Variants in OR4K15 observed in about 807,000 individuals in gnomAD.
OR4K15 encodes olfactory receptor family 4 subfamily K member 15.
For missense variants in OR4K15, 392 were observed against 390.2 expected, an observed-to-expected ratio of 1.00 and a Z score of -0.04; for synonymous variants, 144 against 145.6, an observed-to-expected ratio of 0.99 and a Z score of 0.08.
chr14:19,976,503 T>C lies in OR4K15; in HGVS notation c.913T>C (p.Tyr305His). Residue 305 changes from tyrosine (Y) to histidine (H), a missense_variant, in exon 1 of 1, where the codon TAT becomes CAT. Coordinates refer to ENST00000305051, the MANE Select transcript of OR4K15 (RefSeq NM_001005486.2). Reference sequence around the variant, plus strand: ...AGCTATGTCAAAACTGAAGAGTCGGTATCTGAAGCCTAGTCAGGTTTCTGT... The same window carrying C: ...AGCTATGTCAAAACTGAAGAGTCGGCATCTGAAGCCTAGTCAGGTTTCTGT... ...KAAMSKLKSR[Y>H]LKPSQVSVVI... 1 of 1,613,344 alleles carries C rather than the reference T, an allele frequency of 6.2e-7. No individual in the cohort carries two copies. The highest frequency in any genetic ancestry group is 8.5e-7 in the Non-Finnish European group (1 of 1,179,544).
In OR4K15 at chr14:19,976,412, C is replaced by T. The variant is rs535664979; in HGVS notation, c.822C>T (p.Phe274=). The change falls in exon 1 of 1, where the codon TTC becomes TTT. Residue 274 remains phenylalanine, a synonymous_variant. Coordinates refer to ENST00000305051, the MANE Select transcript of OR4K15 (RefSeq NM_001005486.2). ...CAGTTGACAAAGTCCTTGCTGTATT[C>T]TACACCATCTTCACGCTTATTTTAA... ...SYSVDKVLAV[F]YTIFTLILNP... is the part of the protein sequence containing the mutation. 1.2e-6 allele frequency: 2 copies of T among 1,613,790 alleles called. No homozygotes were observed. Among genetic ancestry groups the T allele is most frequent in the Non-Finnish European group, 1.7e-6 (2 of 1,179,742 alleles).
In OR4K15 at chr14:19,975,869, T is replaced by C. The variant is rs1883017255; in HGVS notation, c.279T>C (p.Ser93=). ...TTCTGGTTGAGCGCAAGACTATTTC[T>C]TTTGATGCCTGCCTGGCCCAGATTT... ...ADFLVERKTI[S]FDACLAQIFF... is the part of the protein sequence containing the mutation. Residue 93 remains serine (S), a synonymous_variant, in exon 1 of 1, where the codon TCT becomes TCC. Transcript: ENST00000305051. The C allele has an allele frequency of 6.2e-7, 1 of 1,613,564 alleles. No homozygotes were observed. Among genetic ancestry groups the C allele is most frequent in the Non-Finnish European group, 8.5e-7 (1 of 1,179,776 alleles).
rs761906281 is a variant in OR4K15 at position 19,975,628 on chromosome 14, T to C, written c.38T>C (p.Val13Ala). Residue 13 changes from valine (V) to alanine (A), a missense_variant, in exon 1 of 1, where the codon GTG becomes GCG. By Grantham distance (64) the Val-to-Ala change is moderately conservative. Transcript: ENST00000305051. ...ETNHSRVTEF[V>A]LLGLSSSREL... The stretch of plus-strand genomic sequence containing the variant: ...AATCATTCTCGGGTGACAGAATTTG[T>C]GTTGCTGGGACTGTCTAGTTCAAGG... The C allele has an allele frequency of 4.3e-6, 7 of 1,613,318 alleles. No homozygotes were observed. The African/African-American group carries it at 6.7e-5, about 15-fold the overall frequency.
Position 19,976,467 on chromosome 14 carries a change from G to T in OR4K15, c.877G>T (p.Glu293Ter). Reference protein sequence around the residue: ...NPVIYTLRNKEVKAAMSKLKS... With the variant: ...NPVIYTLRNK ...TGTAATCTACACGCTAAGAAACAAA[G>T]AAGTGAAGGCAGCTATGTCAAAACT... Residue 293 changes from glutamate (E) to a stop codon, truncating the protein, a stop_gained, in exon 1 of 1, where the codon GAA (glutamate) becomes TAA (stop). Coordinates refer to ENST00000305051, the MANE Select transcript of OR4K15 (RefSeq NM_001005486.2). LOFTEE classifies it low-confidence loss of function (END_TRUNC). 6.2e-7 allele frequency: 1 copy of T among 1,613,554 alleles called. No individual in the cohort carries two copies. Among genetic ancestry groups the T allele is most frequent in the South Asian group, 1.1e-5 (1 of 91,062 alleles).
rs140044773 is a variant in OR4K15 at position 19,976,364 on chromosome 14, T to C, written c.774T>C (p.Tyr258=). 13 of 1,613,726 alleles carry C rather than the reference T, an allele frequency of 8.1e-6. No homozygotes were observed. Among genetic ancestry groups the C allele is most frequent in the African/African-American group, 1.3e-5 (1 of 74,900 alleles). ...TCTTTGGACCATGCATTTTCATCTATGTGTGGCCCTTCAGCAGTTACTCAG... is the reference window on the plus strand; with the variant it reads ...TCTTTGGACCATGCATTTTCATCTACGTGTGGCCCTTCAGCAGTTACTCAG... ...TLFFGPCIFI[Y]VWPFSSYSVD... is the part of the protein sequence containing the mutation. Residue 258 remains tyrosine, a synonymous_variant, in exon 1 of 1, where the codon TAT becomes TAC. Transcript: ENST00000305051.
Position 19,976,164 on chromosome 14 carries a change from A to C in OR4K15, c.574A>C (p.Thr192Pro), listed in dbSNP as rs1228971376. 2 of 1,613,690 alleles carry C rather than the reference A, an allele frequency of 1.2e-6. No individual in the cohort carries two copies. The highest frequency in any genetic ancestry group is 2.7e-5 in the African/African-American group (2 of 74,888). ...AGTGACCAAGTTAGCCTGCATAGAC[A>C]CTTATGTTGTCAGCTTACTAATAGT... is the stretch of plus-strand genomic sequence containing the variant. ...PLVTKLACIDTYVVSLLIVAD... is the reference protein window; with the variant it reads ...PLVTKLACIDPYVVSLLIVAD... The change falls in exon 1 of 1, where the codon ACT (threonine) becomes CCT (proline). Residue 192 changes from threonine (T) to proline (P), a missense_variant. Coordinates refer to ENST00000305051, the MANE Select transcript of OR4K15 (RefSeq NM_001005486.2).
At position 19,975,819 on chromosome 14, in the gene OR4K15, G is replaced by T. The variant is rs765615284; in HGVS notation, c.229G>T (p.Ala77Ser). The T allele has an allele frequency of 6.2e-7, 1 of 1,613,374 alleles. No homozygotes were observed. Among genetic ancestry groups the T allele is most frequent in the East Asian group, 2.2e-5 (1 of 44,850 alleles). Residue 77 changes from alanine (A) to serine (S), a missense_variant, in exon 1 of 1, where the codon GCT (alanine) becomes TCT (serine). Coordinates refer to ENST00000305051, the MANE Select transcript of OR4K15 (RefSeq NM_001005486.2). The part of the protein sequence containing the change: ...SFIDVCVASF[A>S]TPKMIADFLV... ...TATAGACGTATGTGTTGCCTCTTTT[G>T]CTACCCCTAAAATGATTGCAGACTT...
rs770721946 is a variant in OR4K15, at chr14:19,975,857, C to G, written c.267C>G (p.Arg89=). 6.2e-7 allele frequency: 1 copy of G among 1,613,548 alleles called. No homozygotes were observed. The highest frequency in any genetic ancestry group is 8.5e-7 in the Non-Finnish European group (1 of 1,179,728). The change falls in exon 1 of 1, where the codon CGC becomes CGG. Residue 89 remains arginine, a synonymous_variant. Transcript: ENST00000305051. ...PKMIADFLVE[R]KTISFDACLA... is the part of the protein sequence containing the mutation. ...TGATTGCAGACTTTCTGGTTGAGCG[C>G]AAGACTATTTCTTTTGATGCCTGCC...
chr14:19,976,521 G>A lies in OR4K15; in HGVS notation c.931G>A (p.Val311Ile). 2.5e-6 allele frequency: 4 copies of A among 1,611,900 alleles called. No individual in the cohort carries two copies. The highest frequency in any genetic ancestry group is 3.4e-6 in the Non-Finnish European group (4 of 1,179,072). Residue 311 changes from valine to isoleucine, a missense_variant, in exon 1 of 1, where the codon GTT becomes ATT. Coordinates refer to ENST00000305051, the MANE Select transcript of OR4K15 (RefSeq NM_001005486.2). ...LKSRYLKPSQ[V>I]SVVIRNVLFL... ...GAGTCGGTATCTGAAGCCTAGTCAG[G>A]TTTCTGTAGTCATAAGAAATGTTCT...
Position 19,975,916 on chromosome 14 carries a change from G to A in OR4K15, c.326G>A (p.Gly109Asp), listed in dbSNP as rs1160102614. Residue 109 changes from glycine to aspartate, a missense_variant, in exon 1 of 1, where the codon GGC becomes GAC. By Grantham distance (94) the Gly-to-Asp change is moderately conservative. Coordinates refer to ENST00000305051, the MANE Select transcript of OR4K15 (RefSeq NM_001005486.2). ...AQIFFVHLFT[G>D]SEMVLLVSMA... The stretch of plus-strand genomic sequence containing the variant: ...ATTTTCTTTGTTCATCTCTTCACTG[G>A]CAGTGAAATGGTGCTCCTAGTTTCC... 5.0e-5 allele frequency: 81 copies of A among 1,613,498 alleles called. No homozygotes were observed. Among genetic ancestry groups the A allele is most frequent in the Non-Finnish European group, 6.4e-5 (76 of 1,179,806 alleles).
chr14:19,976,298 C>T lies in OR4K15; in HGVS notation c.708C>T (p.Ala236=), dbSNP rs1277871569. The change falls in exon 1 of 1, where the codon GCC becomes GCT. Residue 236 remains alanine, a synonymous_variant. Transcript: ENST00000305051. ...GCTCCTCTGCAAGCATGGCGAAGGC[C>T]CGCTCCACATTGACTGCTCACATCA... The part of the protein sequence containing the change: ...RNRSSASMAK[A]RSTLTAHITV... 1.2e-6 allele frequency: 2 copies of T among 1,613,642 alleles called. No homozygotes were observed. Among genetic ancestry groups the T allele is most frequent in the Admixed American group, 3.3e-5 (2 of 59,946 alleles).
In OR4K15 at chr14:19,975,646, G is replaced by C; in HGVS notation, c.56G>C (p.Ser19Thr). Residue 19 changes from serine to threonine, a missense_variant, in exon 1 of 1, where the codon AGT (serine) becomes ACT (threonine). Coordinates refer to ENST00000305051, the MANE Select transcript of OR4K15 (RefSeq NM_001005486.2). ...VTEFVLLGLS[S>T]SRELQPFLFL... The stretch of plus-strand genomic sequence containing the variant: ...GAATTTGTGTTGCTGGGACTGTCTA[G>C]TTCAAGGGAGCTCCAACCTTTCTTG... The C allele has an allele frequency of 3.1e-6, 5 of 1,613,432 alleles. No homozygotes were observed. Among genetic ancestry groups the C allele is most frequent in the Non-Finnish European group, 3.4e-6 (4 of 1,179,572 alleles).
At position 19,975,795 on chromosome 14, in the gene OR4K15, A is replaced by G. The variant is rs1341413742; in HGVS notation, c.205A>G (p.Ile69Val). 6 of 1,613,404 alleles carry G rather than the reference A, an allele frequency of 3.7e-6. No individual in the cohort carries two copies. The highest frequency in any genetic ancestry group is 1.3e-5 in the African/African-American group (1 of 74,824). The part of the protein sequence containing the change: ...MYFLLANLSF[I>V]DVCVASFATP... The stretch of plus-strand genomic sequence containing the variant: ...CTTTCTGCTTGCAAACCTGTCATTT[A>G]TAGACGTATGTGTTGCCTCTTTTGC... The change falls in exon 1 of 1, where the codon ATA becomes GTA. Residue 69 changes from isoleucine to valine, a missense_variant. By Grantham distance (29) the Ile-to-Val change is conservative. Coordinates refer to ENST00000305051, the MANE Select transcript of OR4K15 (RefSeq NM_001005486.2).
rs1241143079 is a variant in OR4K15, at chr14:19,976,054, A to G, written c.464A>G (p.His155Arg). The change falls in exon 1 of 1, where the codon CAT (histidine) becomes CGT (arginine). Residue 155 changes from histidine to arginine, a missense_variant. By Grantham distance (29) the His-to-Arg change is conservative. Coordinates refer to ENST00000305051, the MANE Select transcript of OR4K15 (RefSeq NM_001005486.2). Reference sequence around the variant, plus strand: ...ATTTCATGGTTTGTGGGCTTCATCCATACTACCAGCCAGTTGGCATTCACT... The same window carrying G: ...ATTTCATGGTTTGTGGGCTTCATCCGTACTACCAGCCAGTTGGCATTCACT... ...VLISWFVGFI[H>R]TTSQLAFTVN... 5 of 1,613,714 alleles carry G rather than the reference A, an allele frequency of 3.1e-6. No homozygotes were observed. The highest frequency in any genetic ancestry group is 2.5e-6 in the Non-Finnish European group (3 of 1,179,836).
chr14:19,975,915 G>T lies in OR4K15; in HGVS notation c.325G>T (p.Gly109Cys). 6.2e-7 allele frequency: 1 copy of T among 1,613,638 alleles called. No individual in the cohort carries two copies. Among genetic ancestry groups the T allele is most frequent in the Non-Finnish European group, 8.5e-7 (1 of 1,179,796 alleles). ...AQIFFVHLFT[G>C]SEMVLLVSMA... ...GATTTTCTTTGTTCATCTCTTCACTGGCAGTGAAATGGTGCTCCTAGTTTC... is the reference window on the plus strand; with the variant it reads ...GATTTTCTTTGTTCATCTCTTCACTTGCAGTGAAATGGTGCTCCTAGTTTC... Residue 109 changes from glycine to cysteine, a missense_variant, in exon 1 of 1, where the codon GGC becomes TGC. Transcript: ENST00000305051.
chr14:19,976,245 A>C lies in OR4K15; in HGVS notation c.655A>C (p.Thr219Pro). The change falls in exon 1 of 1, where the codon ACT (threonine) becomes CCT (proline). Residue 219 changes from threonine (T) to proline (P), a missense_variant. Coordinates refer to ENST00000305051, the MANE Select transcript of OR4K15 (RefSeq NM_001005486.2). ...SSFLLLVVSY[T>P]VILVTVRNRS... is the part of the protein sequence containing the mutation. Reference sequence around the variant, plus strand: ...CTTTCTCCTCTTGGTTGTCTCCTACACTGTAATACTTGTTACAGTTAGGAA... The same window carrying C: ...CTTTCTCCTCTTGGTTGTCTCCTACCCTGTAATACTTGTTACAGTTAGGAA... 1 of 1,613,586 alleles carries C rather than the reference A, an allele frequency of 6.2e-7. No individual in the cohort carries two copies. The highest frequency in any genetic ancestry group is 8.5e-7 in the Non-Finnish European group (1 of 1,179,650).
rs1883026820 is a variant in OR4K15 at position 19,976,232 on chromosome 14, G to A, written c.642G>A (p.Leu214=). 1 of 1,613,466 alleles carries A rather than the reference G, an allele frequency of 6.2e-7. No individual in the cohort carries two copies. The highest frequency in any genetic ancestry group is 1.3e-5 in the African/African-American group (1 of 74,862). Residue 214 remains leucine (L), a synonymous_variant, in exon 1 of 1, where the codon TTG becomes TTA. Transcript: ENST00000305051. ...GFLSLSSFLL[L]VVSYTVILVT... ...TTTCTCTGAGTTCCTTTCTCCTCTTGGTTGTCTCCTACACTGTAATACTTG... is the reference window on the plus strand; with the variant it reads ...TTTCTCTGAGTTCCTTTCTCCTCTTAGTTGTCTCCTACACTGTAATACTTG...
Position 19,976,171 on chromosome 14 carries a change from T to A in OR4K15, c.581T>A (p.Val194Asp), listed in dbSNP as rs1230437594. The A allele has an allele frequency of 7.4e-6, 12 of 1,613,734 alleles. No individual in the cohort carries two copies. The highest frequency in any genetic ancestry group is 1.0e-5 in the Non-Finnish European group (12 of 1,179,788). The change falls in exon 1 of 1, where the codon GTT becomes GAT. Residue 194 changes from valine (V) to aspartate (D), a missense_variant. Val to Asp is a radical substitution (Grantham distance 152, BLOSUM62 -3). Transcript: ENST00000305051. The stretch of plus-strand genomic sequence containing the variant: ...AAGTTAGCCTGCATAGACACTTATG[T>A]TGTCAGCTTACTAATAGTTGCAGAT... The part of the protein sequence containing the change: ...VTKLACIDTY[V>D]VSLLIVADSG...
rs747334230 is a variant in OR4K15 at position 19,976,254 on chromosome 14, C to G, written c.664C>G (p.Leu222Val). The G allele has an allele frequency of 6.2e-7, 1 of 1,613,112 alleles. No homozygotes were observed. The highest frequency in any genetic ancestry group is 1.3e-5 in the African/African-American group (1 of 74,878). The change falls in exon 1 of 1, where the codon CTT becomes GTT. Residue 222 changes from leucine (L) to valine (V), a missense_variant. Coordinates refer to ENST00000305051, the MANE Select transcript of OR4K15 (RefSeq NM_001005486.2). Reference protein sequence around the residue: ...LLLVVSYTVILVTVRNRSSAS... With the variant: ...LLLVVSYTVIVVTVRNRSSAS... ...CTTGGTTGTCTCCTACACTGTAATACTTGTTACAGTTAGGAATCGCTCCTC... is the reference window on the plus strand; with the variant it reads ...CTTGGTTGTCTCCTACACTGTAATAGTTGTTACAGTTAGGAATCGCTCCTC...
Sources: allele counts gnomAD v4.1 joint callset, GRCh38; gene constraint gnomAD v4.1.1; transcripts MANE v1.5; gene names NCBI Gene and HGNC (gene_info 2026-07-23, HGNC 2026-07-21).